CNTN4: variants seen among roughly 807,000 people sequenced by gnomAD.
CNTN4 encodes contactin 4.
Under a neutral mutation model 122.5 loss-of-function variants are expected in CNTN4, and 77 were observed. The ratio of observed to expected loss-of-function variants is 0.63; its 90% CI spans 0.52 to 0.76. The LOEUF (loss-of-function observed/expected upper bound fraction) is 0.76. Ranked by LOEUF, CNTN4 falls within the 30% of genes least tolerant of loss-of-function variation. CNTN4 has a pLI of 0.00. For synonymous variants in CNTN4, 512 were observed against 447.0 expected (o/e 1.15, Z -1.83); for missense variants, 1,256 against 1,259.1 (o/e 1.00, Z 0.04).
chr3:2,367,398 G>A (rs953477359), intron 3 of CNTN4, among the ~76,000 whole-genome samples: 8 of 152,058 alleles, frequency 5.3e-5, no homozygotes, highest in Admixed American at 2.0e-4. Context: ...TACATGAAAC[G>A]AAAAACACAA....
intron 3 of CNTN4, among the ~76,000 whole-genome samples, chr3:2,481,864 C>T (rs2076016262): frequency 6.6e-6 from 1 of 152,148 alleles, no homozygotes; most frequent in South Asian, 2.1e-4. Context: ...GAAGAGGGGC[C>T]TCCATGCCTC....
chr3:2,603,714 C>T (rs937748856), intron 4 of CNTN4, among the ~76,000 whole-genome samples: 3 of 152,158 alleles, frequency 2.0e-5, no homozygotes, highest in African/African-American at 4.8e-5. Context: ...ATGGGCTGGT[C>T]TATTACTTCT....
intron 2 of CNTN4, among the ~76,000 whole-genome samples, chr3:2,152,387 G>T (rs559390787): frequency 1.3e-5 from 2 of 152,242 alleles, no homozygotes; most frequent in East Asian, 3.9e-4. Context: ...ACGAGGTGCC[G>T]TCTGGTAGGT....
chr3:2,170,573 C>G (rs2036457983), intron 2 of CNTN4, among the ~76,000 whole-genome samples: 1 of 152,044 alleles, frequency 6.6e-6, no homozygotes, highest in Non-Finnish European at 1.5e-5. Flanking sequence ...TACTGAAGTT[C>G]AAGTAAAAAT....
chr3:2,588,122 A>T (rs2080289946), intron 4 of CNTN4, among the ~76,000 whole-genome samples: 1 of 151,986 alleles, frequency 6.6e-6, no homozygotes, highest in Admixed American at 6.6e-5. Flanking sequence ...CACTTGTTAT[A>T]AGTAAAAAGT....
chr3:2,261,692 G>A (rs1000996982), intron 2 of CNTN4, among the ~76,000 whole-genome samples: 1 of 152,130 alleles, frequency 6.6e-6, no homozygotes, highest in Non-Finnish European at 1.5e-5. Flanking sequence ...GTGAAGGCCC[G>A]CTTGCTTCAT....
At chr3:2,140,473 C>G (rs2034937777) in intron 2 of CNTN4, among the ~76,000 whole-genome samples, 1 of 152,142 alleles carries the variant, frequency 6.6e-6, no homozygotes, top group South Asian at 2.1e-4. Context: ...ACGGCAACCT[C>G]AGACACTTTT....
At chr3:2,426,917 T>C (rs1234394894) in intron 3 of CNTN4, among the ~76,000 whole-genome samples, 4 of 152,220 alleles carry the variant, frequency 2.6e-5, no homozygotes, top group Non-Finnish European at 4.4e-5. Context: ...ATTAATGATA[T>C]CCCCTTTATC....
chr3:2,912,202 C>T (rs1262830919), intron 12 of CNTN4, among the ~76,000 whole-genome samples: 2 of 152,216 alleles, frequency 1.3e-5, no homozygotes, highest in African/African-American at 4.8e-5. Flanking sequence ...AAAAGCAACC[C>T]ATCACAAACA....
chr3:2,459,784 A>T (rs897712696), intron 3 of CNTN4, among the ~76,000 whole-genome samples: 1 of 152,080 alleles, frequency 6.6e-6, no homozygotes, highest in Non-Finnish European at 1.5e-5. Flanking sequence ...AGCCCAACCA[A>T]TGTGTCCACA....
intron 4 of CNTN4, among the ~76,000 whole-genome samples, chr3:2,573,678 A>G (rs895420714): frequency 1.3e-5 from 2 of 152,168 alleles, no homozygotes; most frequent in African/African-American, 4.8e-5. Flanking sequence ...ACTTGGGGGA[A>G]TTCTCACCTA....
At chr3:2,933,190 G>A (rs995715547) in intron 13 of CNTN4, among the ~76,000 whole-genome samples, 5 of 152,122 alleles carry the variant, frequency 3.3e-5, no homozygotes, top group Non-Finnish European at 7.4e-5. Context: ...TGAAAAGAGG[G>A]CATCAAGGAA....
chr3:2,862,293 T>C (rs550410018), intron 7 of CNTN4, among the ~76,000 whole-genome samples: 1 of 152,346 alleles, frequency 6.6e-6, no homozygotes, highest in South Asian at 2.1e-4. Flanking sequence ...TTGTGTAATC[T>C]GTTCAATGAG....
At chr3:2,423,120 C>T (rs1300696526) in intron 3 of CNTN4, among the ~76,000 whole-genome samples, 1 of 152,210 alleles carries the variant, frequency 6.6e-6, no homozygotes, top group African/African-American at 2.4e-5. Flanking sequence ...ATTGATTCAT[C>T]TGAGAACAGT....
At chr3:2,929,704 A>G (rs979924224) in intron 13 of CNTN4, among the ~76,000 whole-genome samples, 2 of 152,242 alleles carry the variant, frequency 1.3e-5, no homozygotes, top group Admixed American at 6.5e-5. Context: ...TAGGATGACT[A>G]CTGGAGCCAT....
At chr3:2,680,503 G>T (rs540287012) in intron 4 of CNTN4, among the ~76,000 whole-genome samples, 1 of 152,264 alleles carries the variant, frequency 6.6e-6, no homozygotes, top group African/African-American at 2.4e-5. Context: ...GGCAAAACAC[G>T]TTAGAAGACT....
chr3:3,003,714 A>AC (rs1559776183), intron 14 of CNTN4, among the ~76,000 whole-genome samples: 1 of 110,280 alleles, frequency 9.1e-6, no homozygotes, highest in Non-Finnish European at 2.1e-5. Context: ...AAAAAAAAAA[A>AC]CAAAAAAACC....
At chr3:2,914,164 G>A (rs1310715967) in intron 12 of CNTN4, among the ~76,000 whole-genome samples, 5 of 152,124 alleles carry the variant, frequency 3.3e-5, no homozygotes, top group African/African-American at 1.2e-4. Flanking sequence ...GCAGTAATAA[G>A]AGGGAGGTTA....
chr3:2,300,641 G>T (rs142413154), intron 2 of CNTN4, among the ~76,000 whole-genome samples: 5 of 135,998 alleles, frequency 3.7e-5, no homozygotes, highest in Non-Finnish European at 7.6e-5. Flanking sequence ...GCACAGTCTC[G>T]GCTCACTGCA....
Sources: allele counts gnomAD v4.1 joint callset (sites outside exome capture counted in the v4.1 genomes callset), GRCh38; gene constraint gnomAD v4.1.1; transcripts MANE v1.5; gene names NCBI Gene and HGNC (gene_info 2026-07-23, HGNC 2026-07-21).